RPIA: variants seen among roughly 807,000 people sequenced by gnomAD.
RPIA encodes ribose 5-phosphate isomerase A.
A neutral mutation model predicts 37.8 loss-of-function variants in RPIA; 29 were observed. That is an observed-to-expected ratio of 0.77 (90% confidence interval 0.57 to 1.05). The LOEUF (loss-of-function observed/expected upper bound fraction) is 1.05. RPIA is among the 50% of genes least tolerant of loss of function. RPIA has a pLI of 0.00. For missense variants in RPIA, 385 were observed against 413.6 expected (o/e 0.93, Z 0.60); for synonymous variants, 167 against 157.0 (o/e 1.06, Z -0.48).
chr2:88,694,705 A>G (rs560258247), intron 1 of RPIA, among the ~76,000 whole-genome samples: 51 of 152,012 alleles, frequency 3.4e-4, no homozygotes, highest in Non-Finnish European at 4.4e-4. Context: ...TCTCTCCCCA[A>G]TGCTTTTCTG....
At chr2:88,707,919 A>T (rs1027360658) in intron 3 of RPIA, among the ~76,000 whole-genome samples, 1 of 152,156 alleles carries the variant, frequency 6.6e-6, no homozygotes, top group East Asian at 1.9e-4. Context: ...TGCCTGAAAA[A>T]CTGGTGCCAT....
At chr2:88,700,119 C>T in intron 3 of RPIA, 55 bp downstream of exon 3, 2 of 1,578,430 alleles carry the variant, frequency 1.3e-6, no homozygotes, top group South Asian at 1.1e-5. Context: ...CTTCTGGTTC[C>T]CCGGGGTTGT....
chr2:88,737,980 C>T lies in RPIA; in HGVS notation c.742C>T (p.Pro248Ser). 1 of 1,612,260 alleles carries T rather than the reference C, an allele frequency of 6.2e-7. No individual in the cohort carries two copies. The highest frequency in any genetic ancestry group is 8.5e-7 in the Non-Finnish European group (1 of 1,178,356). ...ACTGTGGAAAATTATCTTCTAGGGT[C>T]CTGTGGTGACAGATAATGGGAATTT... is the stretch of plus-strand genomic sequence containing the variant. ...ELRMAVNKAG[P>S]VVTDNGNFIL... Residue 248 changes from proline to serine, a missense_variant, in exon 8 of 9, where the codon CCT becomes TCT. Around this residue, in one of 2 missense-constraint regions of RPIA, gnomAD observed 153 missense variants for 210.6 expected, o/e 0.73. Coordinates refer to ENST00000283646, the MANE Select transcript of RPIA (RefSeq NM_144563.3).
In RPIA at chr2:88,691,803, C is replaced by T; in HGVS notation, c.105C>T (p.Asp35=). Residue 35 remains aspartate, a synonymous_variant, in exon 1 of 9, where the codon GAC becomes GAT. Coordinates refer to ENST00000283646, the MANE Select transcript of RPIA (RefSeq NM_144563.3). ...CCGGCGGAGGAGGGAACAGCTGGGA[C>T]CTCCCGGGTTCCCACGTGCGGCTGC... is the stretch of plus-strand genomic sequence containing the variant. ...AASGGGGNSW[D]LPGSHVRLPG... The T allele has an allele frequency of 6.3e-7, 1 of 1,594,982 alleles. No individual in the cohort carries two copies. The highest frequency in any genetic ancestry group is 8.5e-7 in the Non-Finnish European group (1 of 1,173,250).
chr2:88,698,864 C>T (rs1315170792), intron 2 of RPIA, among the ~76,000 whole-genome samples: 2 of 152,202 alleles, frequency 1.3e-5, no homozygotes, highest in Non-Finnish European at 2.9e-5. Flanking sequence ...GAGTTCTTTG[C>T]GTGAGCTCAG....
chr2:88,735,845 C>T, intron 6 of RPIA, 108 bp downstream of exon 6: 1 of 1,032,468 alleles, frequency 9.7e-7, no homozygotes, highest in Non-Finnish European at 1.5e-6. Flanking sequence ...GACTGTCTGA[C>T]TTTCTGAGAC....
At chr2:88,711,637 G>T (rs1241857298) in intron 3 of RPIA, among the ~76,000 whole-genome samples, 1 of 152,176 alleles carries the variant, frequency 6.6e-6, no homozygotes, top group African/African-American at 2.4e-5. Flanking sequence ...TCAAGGAAAA[G>T]ACCTGGAAAG....
At chr2:88,697,985 T>C (rs1672776113) in intron 1 of RPIA, among the ~76,000 whole-genome samples, 1 of 152,142 alleles carries the variant, frequency 6.6e-6, no homozygotes, top group Non-Finnish European at 1.5e-5. Flanking sequence ...TTACCCAGGC[T>C]CCAGGCTCTA....
intron 1 of RPIA, among the ~76,000 whole-genome samples, chr2:88,694,997 A>T (rs1476354856): frequency 6.8e-6 from 1 of 146,998 alleles, no homozygotes; most frequent in Non-Finnish European, 1.5e-5. Flanking sequence ...AAAAAAAAAG[A>T]AAAAGAAAAA....
At chr2:88,716,863 TA>T (rs1220454235) in intron 3 of RPIA, among the ~76,000 whole-genome samples, 2 of 152,214 alleles carry the variant, frequency 1.3e-5, no homozygotes, top group African/African-American at 4.8e-5. Flanking sequence ...ATCATTGTTT[TA>T]TGTGGCACAA....
chr2:88,694,676 C>T (rs1251882212), intron 1 of RPIA, among the ~76,000 whole-genome samples: 4 of 152,162 alleles, frequency 2.6e-5, no homozygotes, highest in Non-Finnish European at 5.9e-5. Context: ...TTCTCCTTCC[C>T]TCCTTCCACT....
At chr2:88,734,501 C>G (rs1311259668) in intron 4 of RPIA, 51 bp from the exon 5 acceptor site, 1 of 1,577,090 alleles carries the variant, frequency 6.3e-7, no homozygotes, top group Admixed American at 1.7e-5. Context: ...AGGCAATTAG[C>G]AGAGGCTCCC....
intron 3 of RPIA, among the ~76,000 whole-genome samples, chr2:88,722,943 ATTTG>A (rs988131477): frequency 3.9e-5 from 6 of 152,210 alleles, no homozygotes; most frequent in Non-Finnish European, 5.9e-5. Flanking sequence ...ATGAAAGAAC[ATTTG>A]TTTGTTTTTT....
At chr2:88,702,614 C>G (rs1454117844) in intron 3 of RPIA, among the ~76,000 whole-genome samples, 1 of 152,180 alleles carries the variant, frequency 6.6e-6, no homozygotes. Flanking sequence ...GCTCATGATT[C>G]AATTATCTCC....
chr2:88,699,381 A>G (rs1672801239), intron 2 of RPIA, among the ~76,000 whole-genome samples: 1 of 152,094 alleles, frequency 6.6e-6, no homozygotes, highest in South Asian at 2.1e-4. Context: ...AAATTTTAAT[A>G]CGAATTTTTT....
chr2:88,732,728 TAAAAA>T (rs75685116), intron 4 of RPIA, among the ~76,000 whole-genome samples: 2 of 1,998 alleles, frequency 1.0e-3, no homozygotes, highest in Non-Finnish European at 1.6e-3. Context: ...TAGAGTATAA[TAAAAA>T]AAAAAAAAAA....
At chr2:88,719,829 C>T (rs1444210112) in intron 3 of RPIA, among the ~76,000 whole-genome samples, 2 of 152,056 alleles carry the variant, frequency 1.3e-5, no homozygotes, top group African/African-American at 2.4e-5. Flanking sequence ...ATTAAGGAGT[C>T]GGTTAATGCC....
intron 8 of RPIA, among the ~76,000 whole-genome samples, chr2:88,745,272 A>G (rs1448989202): frequency 6.6e-6 from 1 of 152,136 alleles, no homozygotes; most frequent in Non-Finnish European, 1.5e-5. Context: ...GGCAGTTTAC[A>G]TTCAGCGTTA....
chr2:88,725,253 G>A (rs920758515), intron 3 of RPIA, among the ~76,000 whole-genome samples: 2 of 152,118 alleles, frequency 1.3e-5, no homozygotes, highest in Non-Finnish European at 2.9e-5. Flanking sequence ...CACTGAGCCA[G>A]TAGTGGGTCA....
Sources: gnomAD v4.1 joint callset for allele counts (sites outside exome capture counted in the v4.1 genomes callset) on GRCh38, gnomAD v4.1.1 for gene constraint, gnomAD v4.1.1 regional missense constraint, MANE v1.5 for transcripts, NCBI Gene and HGNC (gene_info 2026-07-23, HGNC 2026-07-21) for gene names.